The following DPP10 variants were observed in gnomAD, a reference collection of about 807,000 sequenced individuals.
DPP10 encodes the protein inactive dipeptidyl peptidase 10.
In DPP10, 33 loss-of-function variants were observed where a neutral mutation model predicts 120.9. The observed-to-expected ratio is 0.27, with a 90% CI of 0.21 to 0.37. The LOEUF is 0.37. Ranked by LOEUF, DPP10 falls within the 10% of genes least tolerant of loss-of-function variation. DPP10 has a pLI of 1.00. For missense variants in DPP10, 816 were observed against 942.8 expected, an observed-to-expected ratio of 0.87 and a Z score of 1.76; for synonymous variants, 337 against 326.1, an observed-to-expected ratio of 1.03 and a Z score of -0.36.
At chr2:115,254,787 A>T (rs1418593363) in intron 1 of DPP10, among the ~76,000 whole-genome samples, 1 of 152,174 alleles carries the variant, frequency 6.6e-6, no homozygotes, top group Admixed American at 6.5e-5. Flanking sequence ...TTCCAAAATT[A>T]TCTCCTTTGA....
At chr2:115,789,581 A>G (rs1032824797) in intron 17 of DPP10, among the ~76,000 whole-genome samples, 21 of 152,140 alleles carry the variant, frequency 1.4e-4, no homozygotes, top group African/African-American at 5.1e-4. Context: ...ATTTGTTCTC[A>G]CTCCTTCTGT....
intron 3 of DPP10, among the ~76,000 whole-genome samples, chr2:115,485,584 G>A (rs1266019192): frequency 7.3e-6 from 1 of 136,448 alleles, no homozygotes; most frequent in African/African-American, 2.5e-5. Flanking sequence ...ATTTAATTAA[G>A]TCTTACTTTA....
intron 1 of DPP10, among the ~76,000 whole-genome samples, chr2:114,963,450 T>C (rs1331870285): frequency 6.6e-6 from 1 of 152,186 alleles, no homozygotes; most frequent in African/African-American, 2.4e-5. Context: ...ATCGATTCGG[T>C]AGTTAGACTG....
intron 1 of DPP10, among the ~76,000 whole-genome samples, chr2:114,695,540 A>T (rs1700020972): frequency 6.6e-6 from 1 of 152,116 alleles, no homozygotes; most frequent in South Asian, 2.1e-4. Context: ...TCAACATTCT[A>T]GAAATGTTCA....
At chr2:115,459,104 G>T (rs1199859945) in intron 3 of DPP10, among the ~76,000 whole-genome samples, 1 of 151,872 alleles carries the variant, frequency 6.6e-6, no homozygotes, top group East Asian at 1.9e-4. Context: ...GGTGATTTGG[G>T]TGGACTTAAC....
chr2:114,712,063 T>C (rs1701062261), intron 1 of DPP10, among the ~76,000 whole-genome samples: 1 of 152,184 alleles, frequency 6.6e-6, no homozygotes. Flanking sequence ...CTCACAACTG[T>C]AATCCCAGCA....
rs193259631 is a variant in DPP10, at chr2:114,694,574, A to G, written c.60+251736A>G. On this transcript the variant is annotated intron_variant, in intron 1 of 25. Coordinates refer to ENST00000410059, the MANE Select transcript of DPP10 (RefSeq NM_020868.6). ...TTGAGTTTATTCATATTTATTCCAC[A>G]AACATTTGAATGGATAACCATGTGC... Among the ~76,000 whole-genome samples, 217 of 152,138 alleles carry G rather than the reference A, an allele frequency of 1.4e-3. 1 individual carries two copies. Among genetic ancestry groups the G allele is most frequent in the Non-Finnish European group, 1.5e-4 (10 of 67,934 alleles).
At chr2:115,354,568 T>C (rs548515600) in intron 3 of DPP10, among the ~76,000 whole-genome samples, 42 of 152,268 alleles carry the variant, frequency 2.8e-4, no homozygotes, top group African/African-American at 9.4e-4. Context: ...GGTATGTATG[T>C]ACCACATTTT....
intron 3 of DPP10, among the ~76,000 whole-genome samples, chr2:115,465,946 T>C (rs2074300198): frequency 6.6e-6 from 1 of 152,230 alleles, no homozygotes; most frequent in Non-Finnish European, 1.5e-5. Context: ...GAATTAACTT[T>C]CATAATAATT....
chr2:114,565,640 T>G (rs2104974611), intron 1 of DPP10, among the ~76,000 whole-genome samples: 1 of 152,340 alleles, frequency 6.6e-6, no homozygotes, highest in South Asian at 2.1e-4. Context: ...GCAGCATACT[T>G]CTGTCCTGGT....
chr2:114,875,461 T>C (rs1437052563), intron 1 of DPP10, among the ~76,000 whole-genome samples: 2 of 152,170 alleles, frequency 1.3e-5, no homozygotes, highest in Non-Finnish European at 2.9e-5. Context: ...GGCTCTGACT[T>C]GGAATAAATC....
intron 1 of DPP10, among the ~76,000 whole-genome samples, chr2:114,496,457 C>T (rs1179814070): frequency 6.6e-6 from 1 of 152,084 alleles, no homozygotes; most frequent in Non-Finnish European, 1.5e-5. Flanking sequence ...CAGGTGTCAG[C>T]AGATTCAGTG....
At chr2:114,922,071 G>A (rs927160630) in intron 1 of DPP10, among the ~76,000 whole-genome samples, 1 of 152,152 alleles carries the variant, frequency 6.6e-6, no homozygotes, top group Non-Finnish European at 1.5e-5. Context: ...ACTTTTTAAA[G>A]AGCAGTTATA....
rs532509541 is a variant in DPP10, at chr2:114,470,256, A to T, written c.60+27418A>T. Among the ~76,000 whole-genome samples the T allele has an allele frequency of 1.4e-4, 21 of 152,064 alleles. No individual in the cohort carries two copies. In the South Asian group the frequency reaches 4.4e-3, roughly 32 times the overall value. On this transcript the variant is annotated intron_variant, in intron 1 of 25. Coordinates refer to ENST00000410059, the MANE Select transcript of DPP10 (RefSeq NM_020868.6). ...GGAAAATTTTAACTTGCCTACCTTT[A>T]TTTTTTTTAATCATTTGAATTTAAG...
At chr2:115,704,348 T>G (rs2092012417) in intron 7 of DPP10, among the ~76,000 whole-genome samples, 1 of 151,980 alleles carries the variant, frequency 6.6e-6, no homozygotes, top group Admixed American at 6.6e-5. Context: ...GTTCGCTTTT[T>G]GGGATTCTGG....
In DPP10 at chr2:115,796,515, G is replaced by T. The variant is rs1238685111; in HGVS notation, c.1700+5159G>T. 2.6e-5 allele frequency among the ~76,000 whole-genome samples: 4 copies of T among 152,236 alleles called. No individual in the cohort carries two copies. In the East Asian group the frequency reaches 7.7e-4, roughly 29 times the overall value. On this transcript the variant is annotated intron_variant, in intron 19 of 25. Coordinates refer to ENST00000410059, the MANE Select transcript of DPP10 (RefSeq NM_020868.6). ...AATTAAGTCGAGATGGAGAAATGGA[G>T]AAATAAATGATTTGTGAGTTTATAA...
At chr2:115,549,308 A>C (rs1332412763) in intron 5 of DPP10, among the ~76,000 whole-genome samples, 2 of 151,812 alleles carry the variant, frequency 1.3e-5, no homozygotes, top group Non-Finnish European at 2.9e-5. Context: ...TTCTACCCCA[A>C]CTGTGTGTGA....
At chr2:114,573,124 A>G (rs1040834453) in intron 1 of DPP10, among the ~76,000 whole-genome samples, 3 of 152,156 alleles carry the variant, frequency 2.0e-5, no homozygotes, top group African/African-American at 7.2e-5. Flanking sequence ...CTAGGACTAC[A>G]GGCACATGCC....
intron 1 of DPP10, among the ~76,000 whole-genome samples, chr2:114,973,531 G>A (rs934449299): frequency 2.0e-5 from 3 of 151,426 alleles, no homozygotes; most frequent in Non-Finnish European, 2.9e-5. Flanking sequence ...GCGTGGTGGC[G>A]GGTGCCTGTA....
Sources: allele counts gnomAD v4.1 joint callset (sites outside exome capture counted in the v4.1 genomes callset), GRCh38; gene constraint gnomAD v4.1.1; transcripts MANE v1.5; gene names NCBI Gene and HGNC (gene_info 2026-07-23, HGNC 2026-07-21).